SLC35D1: variants seen among roughly 807,000 people sequenced by gnomAD.
SLC35D1 encodes the protein solute carrier family 35 member D1.
A neutral mutation model predicts 46.7 loss-of-function variants in SLC35D1; 31 were observed. The observed-to-expected ratio is 0.66, with a 90% CI of 0.50 to 0.90. The LOEUF (loss-of-function observed/expected upper bound fraction) is 0.90. Among genes scored for constraint, SLC35D1 ranks in the 40% least tolerant of loss-of-function variants. The pLI is 0.00. For missense variants in SLC35D1, 397 were observed against 426.2 expected (o/e 0.93, Z 0.60); for synonymous variants, 195 against 164.6 (o/e 1.18, Z -1.41).
chr1:67,020,677 C>T (rs907244829), intron 9 of SLC35D1, among the ~76,000 whole-genome samples: 1 of 152,108 alleles, frequency 6.6e-6, no homozygotes, highest in Non-Finnish European at 1.5e-5. Flanking sequence ...TCATCAAAAC[C>T]CTGAACCATC....
At chr1:67,039,001 T>C (rs1668182289) in intron 8 of SLC35D1, among the ~76,000 whole-genome samples, 1 of 152,216 alleles carries the variant, frequency 6.6e-6, no homozygotes, top group South Asian at 2.1e-4. Context: ...CTCCAACTCT[T>C]GCTTAAAGGC....
At chr1:66,975,302 A>AAGTACTTTGG in the SLC35D1 span, among the ~76,000 whole-genome samples, 1 of 152,160 alleles carries the variant, frequency 6.6e-6, no homozygotes, top group Non-Finnish European at 1.5e-5. Flanking sequence ...TGAAGCATGC[A>AAGTACTTTGG]GATTGCTTGA....
At chr1:67,021,248 T>C (rs374374762) in intron 9 of SLC35D1, among the ~76,000 whole-genome samples, 13 of 152,340 alleles carry the variant, frequency 8.5e-5, no homozygotes, top group African/African-American at 2.9e-4. Context: ...ATCTGTCAAA[T>C]GGTCAGTATA....
chr1:67,041,230 C>T (rs939053646), intron 8 of SLC35D1, among the ~76,000 whole-genome samples: 1 of 151,902 alleles, frequency 6.6e-6, no homozygotes, highest in African/African-American at 2.4e-5. Flanking sequence ...TAGCCGTTTC[C>T]TACTTTGGTG....
At chr1:67,050,283 C>T in intron 5 of SLC35D1, 150 bp downstream of exon 5, 1 of 646,824 alleles carries the variant, frequency 1.5e-6, no homozygotes, top group Non-Finnish European at 2.8e-6. Flanking sequence ...ACCACTCCCA[C>T]AAACTATCAA....
the SLC35D1 span, among the ~76,000 whole-genome samples, chr1:66,980,952 A>G: frequency 2.0e-5 from 3 of 152,174 alleles, no homozygotes; most frequent in South Asian, 2.1e-4. Flanking sequence ...CTGGGTTCCA[A>G]TAATACTTTA....
At chr1:66,986,490 T>G in the SLC35D1 span, 1 of 1,556,108 alleles carries the variant, frequency 6.4e-7, no homozygotes. Context: ...TGTGGTCTTG[T>G]TTTTAATGGC....
chr1:66,976,794 T>C, the SLC35D1 span: 4 of 1,286,922 alleles, frequency 3.1e-6, no homozygotes, highest in Non-Finnish European at 4.1e-6. Flanking sequence ...CTTGAGTTAA[T>C]TATTATTTTG....
At chr1:67,033,284 GT>G (rs1376136594) in intron 8 of SLC35D1, among the ~76,000 whole-genome samples, 3 of 152,066 alleles carry the variant, frequency 2.0e-5, no homozygotes, top group African/African-American at 7.2e-5. Flanking sequence ...TGTATTTTTA[GT>G]TTTTTGAGGA....
chr1:67,038,726 A>G (rs769240614), intron 8 of SLC35D1, among the ~76,000 whole-genome samples: 12 of 152,172 alleles, frequency 7.9e-5, no homozygotes, highest in Non-Finnish European at 1.6e-4. Flanking sequence ...AATGTTTTTA[A>G]GTTAGAAGAT....
At chr1:67,009,339 T>C (rs1667517618) in intron 10 of SLC35D1, among the ~76,000 whole-genome samples, 172 bp from the exon 11 acceptor site, 1 of 152,182 alleles carries the variant, frequency 6.6e-6, no homozygotes, top group Non-Finnish European at 1.5e-5. Context: ...TATTAAGGAA[T>C]CAGTGACATT....
At chr1:67,042,166 T>C in intron 8 of SLC35D1, 70 bp downstream of exon 8, 3 of 1,386,942 alleles carry the variant, frequency 2.2e-6, no homozygotes, top group Non-Finnish European at 3.1e-6. Context: ...CAACAAAGCC[T>C]ATCTTTTCAT....
At chr1:67,034,904 C>T (rs111872620) in intron 8 of SLC35D1, among the ~76,000 whole-genome samples, 2 of 152,044 alleles carry the variant, frequency 1.3e-5, no homozygotes, top group Non-Finnish European at 2.9e-5. Context: ...GTTTTTTCCA[C>T]CATCAATCAA....
chr1:67,033,532 T>G (rs1430722067), intron 8 of SLC35D1, among the ~76,000 whole-genome samples: 2 of 152,162 alleles, frequency 1.3e-5, no homozygotes, highest in African/African-American at 4.8e-5. Context: ...TGTCTTCTTT[T>G]GAGAAATGTC....
the SLC35D1 span, chr1:66,986,039 G>T: frequency 2.0e-6 from 2 of 998,774 alleles, no homozygotes; most frequent in Non-Finnish European, 2.4e-6. Context: ...TCCCATTTCT[G>T]CATTAAATAA....
chr1:67,046,821 G>C (rs1287548275), intron 7 of SLC35D1, among the ~76,000 whole-genome samples: 1 of 152,132 alleles, frequency 6.6e-6, no homozygotes, highest in Non-Finnish European at 1.5e-5. Flanking sequence ...AGATACTAAT[G>C]CTCCCTAAAA....
chr1:66,984,629 G>A, the SLC35D1 span: 1 of 1,613,274 alleles, frequency 6.2e-7, no homozygotes, highest in South Asian at 1.1e-5. Context: ...AAAGTTGAAG[G>A]GTTACACATT....
rs1345660781 is a variant in SLC35D1 at position 67,002,523 on chromosome 1, C to T, written c.*1817G>A. The T allele has an allele frequency of 6.6e-6, 1 of 152,252 alleles. No homozygotes were observed. The highest frequency in any genetic ancestry group is 1.9e-4 in the East Asian group (1 of 5,328). The allele number at this position is 152,252 out of a possible 1,614,324, so 9.4% of individuals were successfully genotyped here. A position where few individuals can be genotyped will look rare whatever the true frequency, so the allele number is the denominator to read the frequency against. Reference sequence around the variant, plus strand: ...TAGGGAGAGTAAGACCCATATGACACAAGATACTATCCTTTACTCCCAGTG... The same window carrying T: ...TAGGGAGAGTAAGACCCATATGACATAAGATACTATCCTTTACTCCCAGTG... On this transcript the variant is annotated 3_prime_UTR_variant, in exon 12 of 12. Coordinates refer to ENST00000235345, the MANE Select transcript of SLC35D1 (RefSeq NM_015139.3).
intron 8 of SLC35D1, among the ~76,000 whole-genome samples, chr1:67,032,732 A>C (rs1347472385): frequency 6.6e-6 from 1 of 152,160 alleles, no homozygotes; most frequent in East Asian, 1.9e-4. Context: ...TGGGGTATCC[A>C]TCCCCTCAAG....
Sources: allele counts gnomAD v4.1 joint callset (sites outside exome capture counted in the v4.1 genomes callset), GRCh38; gene constraint gnomAD v4.1.1; transcripts MANE v1.5; gene names NCBI Gene and HGNC (gene_info 2026-07-23, HGNC 2026-07-21).